Variants in RFX1 observed in about 807,000 individuals in gnomAD.
The protein encoded by RFX1 is regulatory factor X1, also known as MHC class II regulatory factor RFX1.
Under a neutral mutation model 119.6 loss-of-function variants are expected in RFX1, and 42 were observed. The ratio of observed to expected loss-of-function variants is 0.35; its 90% CI spans 0.27 to 0.45. RFX1 has a LOEUF of 0.45. Among genes scored for constraint, RFX1 ranks in the 20% least tolerant of loss-of-function variants. The pLI, the probability that RFX1 is intolerant of heterozygous loss-of-function variation, is 1.00. For synonymous variants in RFX1, 628 were observed against 618.5 expected (o/e 1.02, Z -0.23); for missense variants, 1,118 against 1,368.1 (o/e 0.82, Z 2.88).
intron 18 of RFX1, 86 bp from the exon 19 acceptor site, chr19:13,963,361 C>T (rs1973780500): frequency 1.0e-5 from 15 of 1,493,498 alleles, no homozygotes; most frequent in Middle Eastern, 2.3e-4. Context: ...GCCCGGGCCT[C>T]GCGCCAGCCC....
At chr19:13,989,368 G>GTTT (rs1033946476) in intron 2 of RFX1, among the ~76,000 whole-genome samples, 17 of 152,166 alleles carry the variant, frequency 1.1e-4, no homozygotes, top group African/African-American at 3.6e-4. Context: ...TTTGCATTTT[G>GTTT]TTTTTGTTTT....
Position 13,970,050 on chromosome 19 carries a change from G to A in RFX1, c.1440C>T (p.Phe480=), listed in dbSNP as rs749297153. The change falls in exon 10 of 21, where the codon TTC becomes TTT. Residue 480 remains phenylalanine (F), a synonymous_variant. Transcript: ENST00000254325. ...QKLEPVNAAS[F]GKLIRSVFMG... is the part of the protein sequence containing the mutation. ...TGAAGACGGAGCGGATGAGCTTGCCGAAGGAGGCGGCGTTGACGGGCTCCA... is the reference window on the plus strand; with the variant it reads ...TGAAGACGGAGCGGATGAGCTTGCCAAAGGAGGCGGCGTTGACGGGCTCCA... 1.2e-5 allele frequency: 19 copies of A among 1,613,966 alleles called. No homozygotes were observed. The highest frequency in any genetic ancestry group is 4.0e-5 in the African/African-American group (3 of 74,932).
intron 1 of RFX1, among the ~76,000 whole-genome samples, chr19:14,001,163 G>A (rs1042008570): frequency 2.6e-5 from 4 of 152,148 alleles, no homozygotes; most frequent in East Asian, 1.9e-4. Flanking sequence ...TGTCCCCACC[G>A]CCACCTTCAC....
At chr19:13,973,274 A>C (rs1463519140) in intron 8 of RFX1, 147 bp from the exon 9 acceptor site, 1 of 651,744 alleles carries the variant, frequency 1.5e-6, no homozygotes, top group East Asian at 2.7e-5. Flanking sequence ...GCATTCATCT[A>C]CAACGGACTG....
At chr19:14,004,602 CAA>C (rs1200726002) in intron 1 of RFX1, among the ~76,000 whole-genome samples, 2 of 152,118 alleles carry the variant, frequency 1.3e-5, no homozygotes, top group African/African-American at 4.8e-5. Flanking sequence ...TCCTAACTTT[CAA>C]AGAGTCCCTG....
rs996475860 is a variant in RFX1 at position 13,982,308 on chromosome 19, G to A, written c.514-80C>T. The A allele has an allele frequency of 1.3e-5, 10 of 752,336 alleles. No individual in the cohort carries two copies. In the African/African-American group the frequency reaches 2.1e-4, roughly 16 times the overall value. 46.6% of individuals were successfully genotyped at this position (752,336 alleles called of 1,614,324 possible). Reference sequence around the variant, plus strand: ...GCACCGAGCATCTGCGCAGTGCCAGGTGACATTCTAAGTGCTTCACGCCTG... The same window carrying A: ...GCACCGAGCATCTGCGCAGTGCCAGATGACATTCTAAGTGCTTCACGCCTG... On this transcript the variant is annotated intron_variant, in intron 4 of 20. Transcript: ENST00000254325.
At chr19:13,995,519 T>C (rs1974979250) in intron 1 of RFX1, among the ~76,000 whole-genome samples, 1 of 152,158 alleles carries the variant, frequency 6.6e-6, no homozygotes, top group African/African-American at 2.4e-5. Context: ...AGGCCCAGGC[T>C]GCACTGAGAA....
rs1221794772 is a variant in RFX1, at chr19:13,970,119, G to A, written c.1371C>T (p.Ser457=). Residue 457 remains serine, a synonymous_variant, in exon 10 of 21, where the codon AGC becomes AGT. Coordinates refer to ENST00000254325, the MANE Select transcript of RFX1 (RefSeq NM_002918.5). ...ETAEGVSLPR[S]TLYCHYLLHC... ...GCAGTAAGTAGTGGCAGTAGAGGGT[G>A]CTCCGTGGCAGACTCACGCCCTCAG... 1.2e-6 allele frequency: 2 copies of A among 1,613,790 alleles called. No individual in the cohort carries two copies. Among genetic ancestry groups the A allele is most frequent in the African/African-American group, 1.3e-5 (1 of 74,922 alleles).
Position 13,968,595 on chromosome 19 carries a change from C to G in RFX1, c.1702G>C (p.Ala568Pro). Residue 568 changes from alanine (A) to proline (P), a missense_variant, in exon 12 of 21, where the codon GCC (alanine) becomes CCC (proline). Ala to Pro is a conservative substitution (Grantham distance 27). Around this residue, in one of 5 missense-constraint regions of RFX1, gnomAD observed 338 missense variants for 508.9 expected, o/e 0.66. Transcript: ENST00000254325. The surrounding 1 kb of genome is among the most constrained non-coding windows in gnomAD (Gnocchi z 5.5). ...QPSTGLSDIS[A>P]QVQQYQQFLD... ...AATTGCTGGTACTGCTGCACCTGGG[C>G]GCTGATGTCCGACAGCCCCGTGCTC... The G allele has an allele frequency of 6.2e-7, 1 of 1,613,374 alleles. No individual in the cohort carries two copies. The highest frequency in any genetic ancestry group is 8.5e-7 in the Non-Finnish European group (1 of 1,179,940).
intron 7 of RFX1, among the ~76,000 whole-genome samples, chr19:13,978,565 C>G (rs1222355949): frequency 1.3e-5 from 2 of 152,150 alleles, no homozygotes; most frequent in Admixed American, 6.5e-5. Flanking sequence ...ATCCCCCACC[C>G]TTGTCTGCAG....
At chr19:13,979,979 G>C (rs909986058) in intron 6 of RFX1, among the ~76,000 whole-genome samples, 4 of 152,094 alleles carry the variant, frequency 2.6e-5, no homozygotes, top group Admixed American at 2.0e-4. Flanking sequence ...CCTGGACCTA[G>C]GTCTGGAGGT....
At position 13,972,740 on chromosome 19, in the gene RFX1, T is replaced by C. The variant is rs1262942814; in HGVS notation, c.1314+3A>G. ...CCTCTGGGGCCCGCGTTGGGGCACT[T>C]ACCGTGGCTGGCGAGGCACGGGTGG... On this transcript the variant is annotated splice_donor_region_variant and intron_variant, in intron 9 of 20. Transcript: ENST00000254325. 3.1e-6 allele frequency: 5 copies of C among 1,589,404 alleles called. No individual in the cohort carries two copies. Among genetic ancestry groups the C allele is most frequent in the Non-Finnish European group, 4.3e-6 (5 of 1,165,928 alleles).
Position 13,964,769 on chromosome 19 carries a change from C to T in RFX1, c.2211+680G>A, listed in dbSNP as rs530092755. On this transcript the variant is annotated intron_variant, in intron 16 of 20. Coordinates refer to ENST00000254325, the MANE Select transcript of RFX1 (RefSeq NM_002918.5). ...GTGCTGGGATTACAGGCATGAGCCA[C>T]TACGCCCGGCCTCATTTTCTTTCGT... Among the ~76,000 whole-genome samples the T allele has an allele frequency of 2.0e-5, 3 of 152,352 alleles. No homozygotes were observed. The East Asian group carries it at 5.8e-4, about 29-fold the overall frequency.
upstream of RFX1, chr19:14,006,712 G>A (rs1360642301): frequency 2.6e-5 from 4 of 152,300 alleles, no homozygotes; most frequent in Non-Finnish European, 4.4e-5. Context: ...CCGATTGGGA[G>A]TTGTAGTCCG....
At chr19:13,993,933 A>G (rs1974901407) in intron 1 of RFX1, 38 bp from the exon 2 acceptor site, 3 of 1,096,232 alleles carry the variant, frequency 2.7e-6, no homozygotes, top group Middle Eastern at 2.3e-4. Flanking sequence ...GAGAAAAACA[A>G]AACAAAACAA....
chr19:13,969,881 A>G lies in RFX1; in HGVS notation c.1496+113T>C. On this transcript the variant is annotated intron_variant, in intron 10 of 20. Transcript: ENST00000254325. The surrounding 1 kb of genome is among the most constrained non-coding windows in gnomAD (Gnocchi z 4.5). ...GCGGGGCTGTCGAGGAGCCTCGCAG[A>G]GGCCGGCGGGACTGGGCTGGACTGG... The G allele has an allele frequency of 9.0e-7, 1 of 1,105,406 alleles. No homozygotes were observed. The highest frequency in any genetic ancestry group is 1.3e-6 in the Non-Finnish European group (1 of 783,978). The allele number at this position is 1,105,406 out of a possible 1,614,324, so 68.5% of individuals were successfully genotyped here. A position where few individuals can be genotyped will look rare whatever the true frequency, so the allele number is the denominator to read the frequency against.
intron 8 of RFX1, among the ~76,000 whole-genome samples, chr19:13,973,934 C>A (rs1453054511): frequency 2.0e-5 from 3 of 150,608 alleles, no homozygotes; most frequent in Admixed American, 6.6e-5. Context: ...ACCTGGCCGA[C>A]CCTGTCTTTT....
At chr19:14,000,620 C>A (rs1040748206) in intron 1 of RFX1, among the ~76,000 whole-genome samples, 1 of 152,054 alleles carries the variant, frequency 6.6e-6, no homozygotes, top group Non-Finnish European at 1.5e-5. Context: ...AACAAAGTGA[C>A]GCCTTATCTC....
At position 13,993,883 on chromosome 19, in the gene RFX1, T is replaced by G. The variant is rs1974898228; in HGVS notation, c.-40A>C. ...AAATGATAATAAATAAGGCTTTTTT[T>G]TTTTTTTAATTCCTTGGGAAGAAAG... On this transcript the variant is annotated 5_prime_UTR_variant, in exon 2 of 21. Coordinates refer to ENST00000254325, the MANE Select transcript of RFX1 (RefSeq NM_002918.5). The G allele has an allele frequency of 2.1e-6, 3 of 1,455,662 alleles. No individual in the cohort carries two copies. The highest frequency in any genetic ancestry group is 2.7e-5 in the South Asian group (2 of 74,480). The allele number at this position is 1,455,662 out of a possible 1,614,324, so 90.2% of individuals were successfully genotyped here. A position where few individuals can be genotyped will look rare whatever the true frequency, so the allele number is the denominator to read the frequency against.
Sources: gnomAD v4.1 joint callset for allele counts (sites outside exome capture counted in the v4.1 genomes callset) on GRCh38, gnomAD v4.1.1 for gene constraint, gnomAD v4.1.1 regional missense constraint, Gnocchi (gnomAD v3.1) non-coding constraint, MANE v1.5 for transcripts, NCBI Gene and HGNC (gene_info 2026-07-23, HGNC 2026-07-21) for gene names.